ADCY9: variants seen among roughly 807,000 people sequenced by gnomAD.
ADCY9 encodes the protein adenylate cyclase type 9.
In ADCY9, 50 loss-of-function variants were observed where a neutral mutation model predicts 101.5. The observed-to-expected ratio is 0.49, with a 90% CI of 0.39 to 0.62. The LOEUF is 0.62. Ranked by LOEUF, ADCY9 falls within the 20% of genes least tolerant of loss-of-function variation. ADCY9 has a pLI of 0.00. For synonymous variants in ADCY9, 905 were observed against 769.3 expected, an observed-to-expected ratio of 1.18 and a Z score of -2.92; for missense variants, 1,662 against 1,800.4, an observed-to-expected ratio of 0.92 and a Z score of 1.39.
At chr16:4,020,560 G>A (rs1226592476) in intron 2 of ADCY9, among the ~76,000 whole-genome samples, 1 of 152,136 alleles carries the variant, frequency 6.6e-6, no homozygotes, top group Non-Finnish European at 1.5e-5. Flanking sequence ...GGTGGCTCAC[G>A]TCTGTAATCC....
intron 2 of ADCY9, among the ~76,000 whole-genome samples, chr16:4,099,804 C>T (rs769439204): frequency 6.6e-6 from 1 of 152,230 alleles, no homozygotes; most frequent in Non-Finnish European, 1.5e-5. Flanking sequence ...GTAATCCCAA[C>T]ACTTCGGGAG....
intron 7 of ADCY9, chr16:3,982,541 C>T (rs1384758535): frequency 6.6e-6 from 1 of 152,266 alleles, no homozygotes; most frequent in African/African-American, 2.4e-5. Context: ...CCAGGCTGGT[C>T]CCGAGGGCCC....
intron 2 of ADCY9, among the ~76,000 whole-genome samples, chr16:4,065,089 C>G (rs984404326): frequency 1.7e-4 from 26 of 152,306 alleles, no homozygotes; most frequent in African/African-American, 6.3e-4. Flanking sequence ...TACATGACTG[C>G]GTGTGTCAAT....
rs2055948047 is a variant in ADCY9 at position 3,962,774 on chromosome 16, G to A, written c.*3001C>T. 6.6e-6 allele frequency: 1 copy of A among 152,402 alleles called. No homozygotes were observed. The highest frequency in any genetic ancestry group is 1.5e-5 in the Non-Finnish European group (1 of 68,042). 9.4% of individuals were successfully genotyped at this position (152,402 alleles called of 1,614,324 possible). A position where few individuals can be genotyped will look rare whatever the true frequency, so the allele number is the denominator to read the frequency against. ...TGGAAAATGCAAACAGTCGGTTCTTGCTAATTCAATTTCAGATTCTAGGCA... is the reference window on the plus strand; with the variant it reads ...TGGAAAATGCAAACAGTCGGTTCTTACTAATTCAATTTCAGATTCTAGGCA... On this transcript the variant is annotated 3_prime_UTR_variant, in exon 11 of 11. Transcript: ENST00000294016.
intron 2 of ADCY9, among the ~76,000 whole-genome samples, chr16:4,063,285 C>G (rs1490683183): frequency 6.6e-6 from 1 of 151,914 alleles, no homozygotes; most frequent in Non-Finnish European, 1.5e-5. Context: ...TTTAAAAATA[C>G]TTCAAACTGG....
chr16:4,089,118 G>C (rs1363696535), intron 2 of ADCY9, among the ~76,000 whole-genome samples: 2 of 151,596 alleles, frequency 1.3e-5, no homozygotes, highest in Non-Finnish European at 2.9e-5. Flanking sequence ...TTGAGACAGA[G>C]ATTGCTCTGT....
rs2056001039 is a variant in ADCY9, at chr16:3,966,741, C to T, written c.3096G>A (p.Leu1032=). ...QSMRDQADWL[L]RNIIPYHVAE... The stretch of plus-strand genomic sequence containing the variant: ...CCACGTGGTAGGGGATGATGTTCCT[C>T]AGCAGCCAGTCTGCCTGGTCCCGCA... The change falls in exon 11 of 11, where the codon CTG becomes CTA. Residue 1032 remains leucine, a synonymous_variant. Coordinates refer to ENST00000294016, the MANE Select transcript of ADCY9 (RefSeq NM_001116.4). 6.8e-6 allele frequency: 11 copies of T among 1,614,202 alleles called. No homozygotes were observed. The highest frequency in any genetic ancestry group is 8.5e-6 in the Non-Finnish European group (10 of 1,180,040).
intron 2 of ADCY9, chr16:4,031,954 A>C (rs1271540485): frequency 6.6e-6 from 1 of 151,950 alleles, no homozygotes; most frequent in African/African-American, 2.4e-5. Flanking sequence ...AAAAACAGAC[A>C]AGCCAAACAC....
intron 10 of ADCY9, among the ~76,000 whole-genome samples, chr16:3,970,863 G>C (rs1327934387): frequency 1.3e-5 from 2 of 152,120 alleles, no homozygotes; most frequent in African/African-American, 4.8e-5. Flanking sequence ...TTCCTCGCTT[G>C]TAAGCTGTGA....
rs746403325 is a variant in ADCY9 at position 3,967,009 on chromosome 16, C to T, written c.2871-43G>A. On this transcript the variant is annotated intron_variant, in intron 10 of 10. Coordinates refer to ENST00000294016, the MANE Select transcript of ADCY9 (RefSeq NM_001116.4). ...GGGAAAGGGAGAGGTTACTGCTCGG[C>T]GCTTCCAAGCTCAGAACAGCCCCGC... The T allele has an allele frequency of 5.2e-5, 80 of 1,531,486 alleles. 1 individual carries two copies. The Admixed American group carries it at 9.0e-4, about 17-fold the overall frequency. The allele number at this position is 1,531,486 out of a possible 1,614,324, so 94.9% of individuals were successfully genotyped here.
intron 2 of ADCY9, among the ~76,000 whole-genome samples, chr16:4,036,730 G>T (rs2056592939): frequency 6.6e-6 from 1 of 152,016 alleles, no homozygotes; most frequent in Non-Finnish European, 1.5e-5. Context: ...CCAAAGTGCT[G>T]GGATTATAGG....
At chr16:3,960,425 G>T (rs185775102), downstream of ADCY9, among the ~76,000 whole-genome samples, 1 of 152,226 alleles carries the variant, frequency 6.6e-6, no homozygotes, top group East Asian at 1.9e-4. Flanking sequence ...AGGTAACTGA[G>T]GCAGAAGAAT....
At chr16:4,009,714 C>G (rs2238449) in intron 2 of ADCY9, among the ~76,000 whole-genome samples, 70,738 of 152,092 alleles carry the variant, frequency 0.47, 17,292 homozygotes, top group African/African-American at 0.61. Flanking sequence ...AGGAGTGAAG[C>G]CATCTTTATA....
At chr16:4,107,547 T>G in intron 2 of ADCY9, among the ~76,000 whole-genome samples, 1 of 67,792 alleles carries the variant, frequency 1.5e-5, no homozygotes, top group South Asian at 7.4e-4. Flanking sequence ...CCAGACTCTG[T>G]CTCAAAAAAA....
intron 10 of ADCY9, among the ~76,000 whole-genome samples, chr16:3,970,981 C>T (rs1356058464): frequency 2.6e-5 from 4 of 152,162 alleles, no homozygotes; most frequent in Admixed American, 6.6e-5. Context: ...GTGGCTGGCA[C>T]CAGGGAGCTG....
At chr16:3,987,585 C>T (rs1191897128) in intron 6 of ADCY9, among the ~76,000 whole-genome samples, 1 of 152,234 alleles carries the variant, frequency 6.6e-6, no homozygotes, top group South Asian at 2.1e-4. Context: ...AACCAGCCAA[C>T]TGCCAACTTG....
intron 3 of ADCY9, among the ~76,000 whole-genome samples, chr16:3,994,599 G>A (rs1024781467): frequency 2.0e-5 from 3 of 152,132 alleles, no homozygotes; most frequent in African/African-American, 7.2e-5. Context: ...GCGATTACAG[G>A]TGCCTGCCAC....
intron 2 of ADCY9, among the ~76,000 whole-genome samples, chr16:4,066,512 G>A (rs2056801949): frequency 6.6e-6 from 1 of 152,008 alleles, no homozygotes; most frequent in Non-Finnish European, 1.5e-5. Context: ...TCAGCCTCCA[G>A]AGTAGCTTGG....
At chr16:4,015,223 G>T (rs1045735026) in intron 2 of ADCY9, among the ~76,000 whole-genome samples, 5 of 152,048 alleles carry the variant, frequency 3.3e-5, no homozygotes, top group Non-Finnish European at 7.4e-5. Context: ...TTACAGGCGT[G>T]AGCGACCGTG....
Sources: gnomAD v4.1 joint callset for allele counts (sites outside exome capture counted in the v4.1 genomes callset) on GRCh38, gnomAD v4.1.1 for gene constraint, MANE v1.5 for transcripts, NCBI Gene and HGNC (gene_info 2026-07-23, HGNC 2026-07-21) for gene names.